The following SGCD variants were observed in gnomAD, a reference collection of about 807,000 sequenced individuals.
The protein encoded by SGCD is sarcoglycan delta.
Under a neutral mutation model 36.6 loss-of-function variants are expected in SGCD, and 18 were observed. The ratio of observed to expected loss-of-function variants is 0.49; its 90% CI spans 0.34 to 0.73. The LOEUF is 0.73. SGCD is among the 30% of genes least tolerant of loss of function. The pLI is 0.01. For missense variants in SGCD, 387 were observed against 346.7 expected (o/e 1.12, Z -0.92); for synonymous variants, 133 against 130.6 (o/e 1.02, Z -0.12).
At chr5:156,194,960 G>GTGA (rs1257818414) in intron 3 of SGCD, among the ~76,000 whole-genome samples, 1 of 152,030 alleles carries the variant, frequency 6.6e-6, no homozygotes, top group Non-Finnish European at 1.5e-5. Flanking sequence ...TGTGGCATTG[G>GTGA]TGATGATGAT....
Position 156,074,684 on chromosome 5 carries a change from AAAG to A in SGCD, c.-281-43191_-281-43189del, listed in dbSNP as rs557267219. On this transcript the variant is annotated intron_variant, in intron 1 of 9. Transcript: ENST00000517913. Reference sequence around the variant, plus strand: ...AAGAAAGCGAGAATCCATCTCAAAAAAAGAAAAAAGAATGTATTTATACTTTAA... The same window carrying A: ...AAGAAAGCGAGAATCCATCTCAAAAAAAAAAAGAATGTATTTATACTTTAA... 1.1e-3 allele frequency among the ~76,000 whole-genome samples: 160 copies of A among 152,330 alleles called. 1 individual carries two copies. The highest frequency in any genetic ancestry group is 3.6e-3 in the African/African-American group (151 of 41,588).
chr5:156,079,742 C>T (rs1203125640), intron 1 of SGCD, among the ~76,000 whole-genome samples: 1 of 152,240 alleles, frequency 6.6e-6, no homozygotes, highest in East Asian at 1.9e-4. Context: ...AGGTCTTGGG[C>T]AGCTCCACAC....
chr5:156,674,390 T>C (rs1386749578), intron 7 of SGCD, among the ~76,000 whole-genome samples: 4 of 152,204 alleles, frequency 2.6e-5, no homozygotes, highest in Admixed American at 2.6e-4. Flanking sequence ...TGTGATACTG[T>C]TACAAAAAGA....
chr5:156,470,914 A>C (rs549606276), intron 3 of SGCD, among the ~76,000 whole-genome samples: 6 of 152,248 alleles, frequency 3.9e-5, no homozygotes, highest in Non-Finnish European at 8.8e-5. Context: ...AGTATACAGA[A>C]GTATAAAAGC....
At chr5:156,279,060 G>A (rs966638434) in intron 3 of SGCD, among the ~76,000 whole-genome samples, 2 of 152,120 alleles carry the variant, frequency 1.3e-5, no homozygotes, top group Non-Finnish European at 2.9e-5. Context: ...TAGTACACAG[G>A]ACAGCCCTCA....
chr5:156,411,866 C>G (rs1022560207), intron 3 of SGCD, among the ~76,000 whole-genome samples: 3 of 151,766 alleles, frequency 2.0e-5, no homozygotes, highest in African/African-American at 7.3e-5. Context: ...GTCCTTCTTG[C>G]TTAACAGGGT....
chr5:156,554,286 C>T (rs1050508019), intron 4 of SGCD, among the ~76,000 whole-genome samples: 3 of 149,218 alleles, frequency 2.0e-5, no homozygotes, highest in South Asian at 2.1e-4. Flanking sequence ...AATCAGGAGG[C>T]GAAGGTTGTA....
intron 6 of SGCD, among the ~76,000 whole-genome samples, chr5:156,608,021 G>T (rs1286963918): frequency 6.6e-6 from 1 of 152,092 alleles, no homozygotes; most frequent in Non-Finnish European, 1.5e-5. Flanking sequence ...GCTTTTGAAG[G>T]GTTTTTGGTG....
intron 4 of SGCD, among the ~76,000 whole-genome samples, chr5:156,574,698 A>G (rs1019673454): frequency 1.3e-5 from 2 of 152,140 alleles, no homozygotes; most frequent in African/African-American, 4.8e-5. Flanking sequence ...TAGACTAGGC[A>G]TATTTCCTCT....
In SGCD at chr5:155,988,319, G is replaced by GA. The variant is rs199783661; in HGVS notation, c.-282+117902dup. Among the ~76,000 whole-genome samples, 5 of 152,040 alleles carry GA rather than the reference G, an allele frequency of 3.3e-5. No individual in the cohort carries two copies. In the East Asian group the frequency reaches 5.8e-4, roughly 18 times the overall value. The stretch of plus-strand genomic sequence containing the variant: ...CCAGCCATACCCTTTCCTTTCGTTA[G>GA]AAAAAAATACGTTTTCCAAGACTCC... On this transcript the variant is annotated intron_variant, in intron 1 of 9. Transcript: ENST00000517913.
intron 1 of SGCD, among the ~76,000 whole-genome samples, chr5:155,914,557 G>A (rs965654704): frequency 1.3e-5 from 2 of 152,100 alleles, no homozygotes; most frequent in Non-Finnish European, 2.9e-5. Context: ...CTTGATCACA[G>A]GCAATAAAGA....
At chr5:156,504,299 C>T (rs1756593046) in intron 3 of SGCD, among the ~76,000 whole-genome samples, 1 of 150,460 alleles carries the variant, frequency 6.6e-6, no homozygotes, top group Non-Finnish European at 1.5e-5. Context: ...TAAATATTAA[C>T]ATTTGAGTAT....
intron 4 of SGCD, among the ~76,000 whole-genome samples, chr5:156,519,349 C>CA (rs1208438170): frequency 1.3e-5 from 2 of 151,548 alleles, no homozygotes; most frequent in Admixed American, 6.6e-5. Context: ...AGCCTACCAA[C>CA]AAAAAAACAA....
At chr5:156,222,644 G>A (rs745827675) in intron 3 of SGCD, among the ~76,000 whole-genome samples, 1 of 152,004 alleles carries the variant, frequency 6.6e-6, no homozygotes, top group Non-Finnish European at 1.5e-5. Flanking sequence ...GGATTTGTTT[G>A]TCTCAAATTT....
chr5:156,362,218 C>A (rs1049761713), intron 3 of SGCD, among the ~76,000 whole-genome samples: 8 of 152,286 alleles, frequency 5.3e-5, no homozygotes, highest in African/African-American at 1.2e-4. Context: ...GCCATTTGAC[C>A]TTTACTGGCT....
chr5:155,968,760 G>A (rs990293192), intron 1 of SGCD, among the ~76,000 whole-genome samples: 14 of 151,966 alleles, frequency 9.2e-5, no homozygotes, highest in African/African-American at 3.1e-4. Flanking sequence ...AAGAACAGAC[G>A]AATTGTACAT....
intron 6 of SGCD, among the ~76,000 whole-genome samples, chr5:156,618,520 A>G (rs1762103087): frequency 6.6e-6 from 1 of 151,668 alleles, no homozygotes; most frequent in Non-Finnish European, 1.5e-5. Context: ...AGAAAAAGCA[A>G]AATTCTACAA....
At chr5:156,147,830 T>C (rs943644206) in intron 3 of SGCD, among the ~76,000 whole-genome samples, 31 of 152,196 alleles carry the variant, frequency 2.0e-4, no homozygotes, top group Admixed American at 3.3e-4. Context: ...GTGGAACTCA[T>C]ATAGAAGGAC....
At chr5:156,523,451 T>C (rs1757495312) in intron 4 of SGCD, among the ~76,000 whole-genome samples, 1 of 152,178 alleles carries the variant, frequency 6.6e-6, no homozygotes, top group Non-Finnish European at 1.5e-5. Context: ...ATACTTAATG[T>C]ATTTCTCGTA....
Sources: gnomAD v4.1 joint callset for allele counts (sites outside exome capture counted in the v4.1 genomes callset) on GRCh38, gnomAD v4.1.1 for gene constraint, MANE v1.5 for transcripts, NCBI Gene and HGNC (gene_info 2026-07-23, HGNC 2026-07-21) for gene names.